C3orf70: variants seen among roughly 807,000 people sequenced by gnomAD.
C3orf70 encodes UPF0524 protein C3orf70.
C3orf70 carries 15 observed loss-of-function variants against 20.7 expected under a neutral mutation model. The observed-to-expected ratio is 0.72, with a 90% CI of 0.48 to 1.11. The LOEUF (loss-of-function observed/expected upper bound fraction) is 1.11, where lower values mean the gene tolerates loss of function less well. Among genes scored for constraint, C3orf70 ranks in the 50% most tolerant of loss-of-function variants. C3orf70 has a pLI of 0.00. For missense variants in C3orf70, 332 were observed against 317.6 expected, an observed-to-expected ratio of 1.05 and a Z score of -0.34; for synonymous variants, 161 against 125.7, an observed-to-expected ratio of 1.28 and a Z score of -1.88.
chr3:185,095,973 G>A (rs2108590697), intron 1 of C3orf70, among the ~76,000 whole-genome samples: 1 of 152,206 alleles, frequency 6.6e-6, no homozygotes, highest in South Asian at 2.1e-4. Flanking sequence ...CTGACCTCAT[G>A]ATCCTCCTGC....
intron 1 of C3orf70, among the ~76,000 whole-genome samples, chr3:185,091,118 C>CAGAT (rs998624368): frequency 6.6e-6 from 1 of 151,958 alleles, no homozygotes; most frequent in Non-Finnish European, 1.5e-5. Context: ...TAGGAGCTTT[C>CAGAT]AGATAGATAC....
At chr3:185,084,016 C>T (rs1180585754) in intron 1 of C3orf70, among the ~76,000 whole-genome samples, 3 of 152,144 alleles carry the variant, frequency 2.0e-5, no homozygotes, top group Non-Finnish European at 4.4e-5. Context: ...AAAACCCTGT[C>T]TCTACTAAAA....
chr3:185,141,331 C>T (rs1272022855), intron 1 of C3orf70, among the ~76,000 whole-genome samples: 1 of 151,224 alleles, frequency 6.6e-6, no homozygotes, highest in Non-Finnish European at 1.5e-5. Flanking sequence ...GGAATAGACC[C>T]TCTGGAAAAC....
intron 1 of C3orf70, among the ~76,000 whole-genome samples, chr3:185,132,693 GA>G (rs1716544513): frequency 6.6e-6 from 1 of 152,174 alleles, no homozygotes; most frequent in African/African-American, 2.4e-5. Flanking sequence ...TGAGAATGGG[GA>G]AAGGACAGTA....
At chr3:185,118,294 C>T (rs4687046) in intron 1 of C3orf70, among the ~76,000 whole-genome samples, 143,770 of 152,294 alleles carry the variant, frequency 0.94, 67,893 homozygotes, top group Non-Finnish European at 0.95. Context: ...CGGGCATCCT[C>T]CGTTCTAGAA....
chr3:185,110,547 G>GCCCCCCCCC (rs543519113), intron 1 of C3orf70, among the ~76,000 whole-genome samples: 1 of 151,026 alleles, frequency 6.6e-6, no homozygotes, highest in Admixed American at 6.6e-5. Flanking sequence ...TTAGGAGCAG[G>GCCCCCCCCC]CCCCCCCTCA....
At chr3:185,139,318 C>T (rs1185406210) in intron 1 of C3orf70, among the ~76,000 whole-genome samples, 1 of 151,770 alleles carries the variant, frequency 6.6e-6, no homozygotes, top group East Asian at 1.9e-4. Flanking sequence ...TTTGGGAGGC[C>T]AAGGTGGGCA....
chr3:185,116,945 A>AT (rs944935701), intron 1 of C3orf70, among the ~76,000 whole-genome samples: 3 of 151,410 alleles, frequency 2.0e-5, no homozygotes, highest in East Asian at 1.9e-4. Context: ...TGCCCGGCTA[A>AT]TTTTTTTTGT....
intron 1 of C3orf70, among the ~76,000 whole-genome samples, chr3:185,146,168 C>G (rs1716871059): frequency 6.6e-6 from 1 of 152,034 alleles, no homozygotes; most frequent in African/African-American, 2.4e-5. Flanking sequence ...TCAGCGTTCT[C>G]TATCTCTGGA....
intron 1 of C3orf70, among the ~76,000 whole-genome samples, chr3:185,091,323 G>A (rs1015615872): frequency 1.4e-4 from 21 of 152,092 alleles, no homozygotes; most frequent in Non-Finnish European, 1.6e-4. Context: ...TCGATCAAAA[G>A]GGCAAAGGAG....
intron 1 of C3orf70, among the ~76,000 whole-genome samples, chr3:185,084,509 C>T (rs1322617276): frequency 1.3e-5 from 2 of 151,794 alleles, no homozygotes; most frequent in Non-Finnish European, 2.9e-5. Flanking sequence ...GTGTCTCCCC[C>T]GCACCCCTCC....
intron 1 of C3orf70, among the ~76,000 whole-genome samples, chr3:185,083,849 A>G (rs1715405474): frequency 6.6e-6 from 1 of 152,176 alleles, no homozygotes; most frequent in African/African-American, 2.4e-5. Context: ...TATTTTACAG[A>G]CAACTTTAAG....
At chr3:185,124,402 A>G (rs1716367273) in intron 1 of C3orf70, among the ~76,000 whole-genome samples, 1 of 152,212 alleles carries the variant, frequency 6.6e-6, no homozygotes, top group African/African-American at 2.4e-5. Context: ...GAAAATGAAC[A>G]GTGAAGTTGG....
At chr3:185,150,214 T>C (rs1716964507) in intron 1 of C3orf70, among the ~76,000 whole-genome samples, 2 of 152,216 alleles carry the variant, frequency 1.3e-5, no homozygotes, top group Admixed American at 1.3e-4. Context: ...CAAGTGCTCA[T>C]TAATGAATTG....
At chr3:185,139,490 T>C (rs1212107623) in intron 1 of C3orf70, among the ~76,000 whole-genome samples, 1 of 149,528 alleles carries the variant, frequency 6.7e-6, no homozygotes, top group African/African-American at 2.5e-5. Context: ...GAGGCAGAGG[T>C]TGCAGTCAGC....
chr3:185,110,812 G>A (rs1054304127), intron 1 of C3orf70, among the ~76,000 whole-genome samples: 4 of 152,164 alleles, frequency 2.6e-5, no homozygotes, highest in African/African-American at 4.8e-5. Flanking sequence ...CCTTTCATTC[G>A]GCCCATCCCT....
rs566290532 is a variant in C3orf70 at position 185,138,549 on chromosome 3, TAATC to T, written c.196+14075_196+14078del. On this transcript the variant is annotated intron_variant, in intron 1 of 1. Transcript: ENST00000335012. ...ACAATATACTAAAATAATTACACCT[TAATC>T]AAGTGGGGCTTATTCCATGGATGCA... Among the ~76,000 whole-genome samples the T allele has an allele frequency of 1.1e-4, 17 of 152,240 alleles. 2 individuals carry two copies. In the South Asian group the frequency reaches 2.9e-3, roughly 26 times the overall value.
Position 185,081,013 on chromosome 3 carries a change from G to T in C3orf70, c.*1994C>A, listed in dbSNP as rs1295795374. 3.3e-5 allele frequency: 5 copies of T among 152,138 alleles called. No homozygotes were observed. The highest frequency in any genetic ancestry group is 2.1e-4 in the South Asian group (1 of 4,824). The allele number at this position is 152,138 out of a possible 1,614,324, so 9.4% of individuals were successfully genotyped here. On this transcript the variant is annotated 3_prime_UTR_variant, in exon 2 of 2. Transcript: ENST00000335012. ...CTTGGCCATCTAAACCTAAAAAAAA[G>T]TTCTATCTAGTAAACGACTTAAATT...
chr3:185,142,270 C>T (rs1342056177), intron 1 of C3orf70, among the ~76,000 whole-genome samples: 1 of 152,112 alleles, frequency 6.6e-6, no homozygotes, highest in African/African-American at 2.4e-5. Context: ...TCAGCCTGGA[C>T]AACACAGTGA....
Sources: allele counts gnomAD v4.1 joint callset (sites outside exome capture counted in the v4.1 genomes callset), GRCh38; gene constraint gnomAD v4.1.1; transcripts MANE v1.5; gene names NCBI Gene and HGNC (gene_info 2026-07-23, HGNC 2026-07-21).